Variants in C14orf93 observed in about 807,000 individuals in gnomAD.
C14orf93 encodes the protein chromosome 14 open reading frame 93.
A neutral mutation model predicts 44.0 loss-of-function variants in C14orf93; 23 were observed. That is an observed-to-expected ratio of 0.52 (90% CI 0.38 to 0.74). The LOEUF is 0.74. Ranked by LOEUF, C14orf93 falls within the 30% of genes least tolerant of loss-of-function variation. The probability of loss-of-function intolerance (pLI) is 0.00; values close to 1 mark genes in which losing one functional copy is unlikely to be tolerated. For missense variants in C14orf93, 579 were observed against 678.9 expected, an observed-to-expected ratio of 0.85 and a Z score of 1.64; for synonymous variants, 253 against 265.7, an observed-to-expected ratio of 0.95 and a Z score of 0.46.
Position 22,987,508 on chromosome 14 carries a change from C to T in C14orf93, c.1324G>A (p.Ala442Thr), listed in dbSNP as rs1023343891. 6 of 1,614,168 alleles carry T rather than the reference C, an allele frequency of 3.7e-6. No individual in the cohort carries two copies. The highest frequency in any genetic ancestry group is 5.1e-6 in the Non-Finnish European group (6 of 1,180,028). The part of the protein sequence containing the change: ...DSLNEPGVWV[A>T]RPPRFRAQRL... ...TGGGCCCGGAAACGGGGAGGGCGGG[C>T]CACCCACACACCTGGCTCGTTAAGA... The change falls in exon 7 of 7, where the codon GCC becomes ACC. Residue 442 changes from alanine to threonine, a missense_variant. By Grantham distance (58) the Ala-to-Thr change is moderately conservative. Transcript: ENST00000299088. The surrounding 1 kb of genome is among the most constrained non-coding windows in gnomAD (Gnocchi z 5.6).
rs1445473905 is a variant in C14orf93 at position 22,998,803 on chromosome 14, C to T, written c.221G>A (p.Gly74Asp). 1 of 1,614,220 alleles carries T rather than the reference C, an allele frequency of 6.2e-7. No individual in the cohort carries two copies. Among genetic ancestry groups the T allele is most frequent in the Admixed American group, 1.7e-5 (1 of 60,024 alleles). ...AAGACCCAGAGCAGCTTCAGCCAAACCCACTGCCTTATCGACCCGCTGGTA... is the reference window on the plus strand; with the variant it reads ...AAGACCCAGAGCAGCTTCAGCCAAATCCACTGCCTTATCGACCCGCTGGTA... ...VIYQRVDKAV[G>D]LAEAALGLAR... is the part of the protein sequence containing the mutation. Residue 74 changes from glycine to aspartate, a missense_variant, in exon 2 of 7, where the codon GGT becomes GAT. Physicochemically the swap from Gly to Asp is moderately conservative, Grantham distance 94 (BLOSUM62 -1). Coordinates refer to ENST00000299088, the MANE Select transcript of C14orf93 (RefSeq NM_021944.4).
At position 22,996,103 on chromosome 14, in the gene C14orf93, G is replaced by A. The variant is rs953430604; in HGVS notation, c.763C>T (p.Leu255Phe). Residue 255 changes from leucine to phenylalanine, a missense_variant, in exon 3 of 7, where the codon CTC becomes TTC. By Grantham distance (22) the Leu-to-Phe change is conservative. Coordinates refer to ENST00000299088, the MANE Select transcript of C14orf93 (RefSeq NM_021944.4). This position sits in a 1 kb window ranked among gnomAD's most constrained non-coding sequence, Gnocchi z 4.1. ...KLPPPRPEDM[L>F]NAAAALDSAL... Reference sequence around the variant, plus strand: ...CTGTCCAGCGCAGCAGCGGCATTGAGCATGTCCTCAGGGCGGGGTGGTGGC... The same window carrying A: ...CTGTCCAGCGCAGCAGCGGCATTGAACATGTCCTCAGGGCGGGGTGGTGGC... 17 of 1,613,940 alleles carry A rather than the reference G, an allele frequency of 1.1e-5. No homozygotes were observed. The highest frequency in any genetic ancestry group is 1.4e-5 in the Non-Finnish European group (17 of 1,180,018).
chr14:23,003,892 A>C, intron 1 of C14orf93, among the ~76,000 whole-genome samples: 1 of 14,448 alleles, frequency 6.9e-5, no homozygotes, highest in Admixed American at 1.3e-3. Context: ...ATATATATAT[A>C]TATATATTTT....
intron 3 of C14orf93, among the ~76,000 whole-genome samples, 182 bp downstream of exon 3, chr14:22,995,766 A>T (rs1231516498): frequency 6.6e-6 from 1 of 151,324 alleles, no homozygotes; most frequent in African/African-American, 2.4e-5. Flanking sequence ...TAAAAGCTTG[A>T]TGTTTAGCAG....
chr14:23,006,865 A>C (rs1018076250), intron 1 of C14orf93: 4 of 152,418 alleles, frequency 2.6e-5, no homozygotes, highest in African/African-American at 9.6e-5. Flanking sequence ...TCCCGGGTAA[A>C]GGGGGTCATT....
At chr14:23,005,864 C>T (rs978004458) in intron 1 of C14orf93, 3 of 152,162 alleles carry the variant, frequency 2.0e-5, no homozygotes, top group African/African-American at 7.2e-5. Flanking sequence ...CCTTTCCTCC[C>T]AAGTCACATT....
intron 1 of C14orf93, among the ~76,000 whole-genome samples, chr14:23,008,324 A>G (rs1594697099): frequency 6.6e-6 from 1 of 152,352 alleles, no homozygotes; most frequent in East Asian, 1.9e-4. Flanking sequence ...GAATAAAAAT[A>G]CACTCAGCAC....
intron 1 of C14orf93, among the ~76,000 whole-genome samples, chr14:23,003,383 G>T (rs1265202139): frequency 6.6e-6 from 1 of 152,212 alleles, no homozygotes; most frequent in Non-Finnish European, 1.5e-5. Context: ...GGGATCAGCA[G>T]GTAATAAACG....
At chr14:23,004,250 G>A (rs551920587) in intron 1 of C14orf93, among the ~76,000 whole-genome samples, 3 of 148,020 alleles carry the variant, frequency 2.0e-5, no homozygotes, top group Non-Finnish European at 4.4e-5. Flanking sequence ...TCACTCTGTC[G>A]CCCAGGCTGG....
intron 1 of C14orf93, among the ~76,000 whole-genome samples, chr14:23,000,714 CAAAA>C (rs758471653): frequency 2.5e-4 from 14 of 55,088 alleles, no homozygotes; most frequent in African/African-American, 9.1e-4. Context: ...GACTCCACCT[CAAAA>C]AAAAAAAAAA....
At chr14:23,008,679 G>A (rs2046754280) in intron 1 of C14orf93, among the ~76,000 whole-genome samples, 1 of 152,148 alleles carries the variant, frequency 6.6e-6, no homozygotes, top group Non-Finnish European at 1.5e-5. Flanking sequence ...TTCTGTAACA[G>A]AATGAAGTGA....
In C14orf93 at chr14:22,994,158, C is replaced by T. The variant is rs550449203; in HGVS notation, c.918+1790G>A. On this transcript the variant is annotated intron_variant, in intron 3 of 6. Transcript: ENST00000299088. ...AGTGGAATGGAAGTGATGGAAAATC[C>T]TGCTTTTATGCAAATTGTAACTATA... The T allele has an allele frequency of 3.7e-4, 57 of 152,326 alleles. 1 individual carries two copies. Among genetic ancestry groups the T allele is most frequent in the African/African-American group, 1.3e-3 (56 of 41,552 alleles). The allele number at this position is 152,326 out of a possible 1,614,324, so 9.4% of individuals were successfully genotyped here. A position where few individuals can be genotyped will look rare whatever the true frequency, so the allele number is the denominator to read the frequency against.
intron 1 of C14orf93, chr14:23,006,604 T>A (rs1271217206): frequency 6.6e-6 from 1 of 152,208 alleles, no homozygotes; most frequent in African/African-American, 2.4e-5. Context: ...ATGGAGAAAC[T>A]GAAAAATGAA....
intron 1 of C14orf93, chr14:23,009,890 T>C (rs2046793571): frequency 6.6e-6 from 1 of 152,170 alleles, no homozygotes; most frequent in African/African-American, 2.4e-5. Flanking sequence ...GAAACGGTTG[T>C]ACACGGCCAT....
chr14:22,988,045 A>C (rs1478150934), intron 5 of C14orf93, 30 bp from the exon 6 acceptor site: 1 of 1,518,644 alleles, frequency 6.6e-7, no homozygotes, highest in Non-Finnish European at 9.1e-7. Context: ...GGGAGCAAGA[A>C]GGAGGGTCCT....
chr14:23,002,113 C>T (rs886151949), intron 1 of C14orf93, among the ~76,000 whole-genome samples: 1 of 144,834 alleles, frequency 6.9e-6, no homozygotes, highest in African/African-American at 2.6e-5. Flanking sequence ...CGCACCACTG[C>T]ACTCCAGCCT....
At chr14:23,008,169 A>AC (rs2046729254) in intron 1 of C14orf93, among the ~76,000 whole-genome samples, 1 of 132,366 alleles carries the variant, frequency 7.6e-6, no homozygotes, top group African/African-American at 3.2e-5. Flanking sequence ...AAAAAAAAAA[A>AC]AAAAAAAAAA....
At chr14:22,988,664 C>A (rs892209432) in intron 5 of C14orf93, among the ~76,000 whole-genome samples, 1 of 152,082 alleles carries the variant, frequency 6.6e-6, no homozygotes, top group Non-Finnish European at 1.5e-5. Flanking sequence ...TCACCATGGC[C>A]GGCTAATTGG....
intron 2 of C14orf93, among the ~76,000 whole-genome samples, chr14:22,997,503 A>G (rs567067326): frequency 2.4e-4 from 37 of 152,276 alleles, no homozygotes; most frequent in African/African-American, 8.9e-4. Flanking sequence ...AAGTGGCACC[A>G]CATCTGTTAT....
Sources: allele counts gnomAD v4.1 joint callset (sites outside exome capture counted in the v4.1 genomes callset), GRCh38; gene constraint gnomAD v4.1.1; non-coding constraint Gnocchi (gnomAD v3.1); transcripts MANE v1.5; gene names NCBI Gene and HGNC (gene_info 2026-07-23, HGNC 2026-07-21).